The following FBXW7 variants were observed in gnomAD, a reference collection of about 807,000 sequenced individuals.
FBXW7 encodes F-box and WD repeat domain containing 7.
Under a neutral mutation model 86.3 loss-of-function variants are expected in FBXW7, and 11 were observed. That is an observed-to-expected ratio of 0.13 (90% CI 0.08 to 0.21). The LOEUF is 0.21. Ranked by LOEUF, FBXW7 falls within the 10% of genes least tolerant of loss-of-function variation. The pLI is 1.00. For missense variants in FBXW7, 488 were observed against 847.4 expected (o/e 0.58, Z 5.27); for synonymous variants, 313 against 297.9 (o/e 1.05, Z -0.52).
Position 152,363,369 on chromosome 4 carries a change from T to A in FBXW7, c.502-13245A>T, listed in dbSNP as rs190014953. Among the ~76,000 whole-genome samples, 398 of 152,282 alleles carry A rather than the reference T, an allele frequency of 2.6e-3. 5 individuals are homozygous for A. Among genetic ancestry groups the A allele is most frequent in the Non-Finnish European group, 9.8e-4 (67 of 68,026 alleles). ...AGATGCAAAATTGAGCAAGATGTAATATCTATCCTGGAAGCACTCCCAACT... is the reference window on the plus strand; with the variant it reads ...AGATGCAAAATTGAGCAAGATGTAAAATCTATCCTGGAAGCACTCCCAACT... On this transcript the variant is annotated intron_variant, in intron 4 of 13. Coordinates refer to ENST00000281708, the MANE Select transcript of FBXW7 (RefSeq NM_001349798.2).
intron 2 of FBXW7, among the ~76,000 whole-genome samples, chr4:152,443,760 G>T (rs1741118514): frequency 6.6e-6 from 1 of 152,124 alleles, no homozygotes; most frequent in African/African-American, 2.4e-5. Context: ...AAGAATATTA[G>T]TATAAAGGGG....
chr4:152,324,685 T>C (rs1191962415), intron 12 of FBXW7: 6 of 327,436 alleles, frequency 1.8e-5, no homozygotes, highest in Non-Finnish European at 3.4e-5. Flanking sequence ...GAACAATATG[T>C]TAATTTTCAA....
intron 6 of FBXW7, chr4:152,338,173 AT>A (rs1162026264): frequency 9.3e-6 from 3 of 324,034 alleles, no homozygotes; most frequent in Non-Finnish European, 1.7e-5. Context: ...ACAGAAAAAT[AT>A]TTTTTCATTA....
intron 4 of FBXW7, among the ~76,000 whole-genome samples, chr4:152,404,230 T>C (rs137924934): frequency 1.3e-4 from 20 of 152,268 alleles, no homozygotes; most frequent in Non-Finnish European, 2.5e-4. Context: ...CAATCCTCCA[T>C]TAGGAGCATT....
intron 13 of FBXW7, chr4:152,323,960 G>A: frequency 5.9e-6 from 3 of 505,604 alleles, no homozygotes; most frequent in Non-Finnish European, 1.1e-5. Flanking sequence ...AATTGAACAT[G>A]CAGGAAGTGA....
At chr4:152,440,360 C>T (rs1045393982) in intron 2 of FBXW7, among the ~76,000 whole-genome samples, 15 of 152,272 alleles carry the variant, frequency 9.9e-5, no homozygotes, top group Admixed American at 6.5e-4. Flanking sequence ...GAAAGCAGTA[C>T]ATACTGTCCC....
intron 2 of FBXW7, among the ~76,000 whole-genome samples, chr4:152,417,180 G>A (rs1324359328): frequency 6.6e-6 from 1 of 152,100 alleles, no homozygotes; most frequent in African/African-American, 2.4e-5. Context: ...CCTCTACTGA[G>A]CCTATTAATT....
At chr4:152,350,192 G>T (rs1210071557) in intron 4 of FBXW7, 68 bp from the exon 5 acceptor site, 1 of 816,956 alleles carries the variant, frequency 1.2e-6, no homozygotes, top group Non-Finnish European at 1.9e-6. Context: ...GAGTCAGCAT[G>T]GTTAATATTT....
chr4:152,499,046 C>T (rs1746653687), intron 2 of FBXW7, among the ~76,000 whole-genome samples: 1 of 151,940 alleles, frequency 6.6e-6, no homozygotes, highest in Admixed American at 6.6e-5. Context: ...TAGGGGATTC[C>T]AAGAATTATC....
intron 2 of FBXW7, among the ~76,000 whole-genome samples, chr4:152,419,296 T>C (rs1022746922): frequency 3.9e-5 from 6 of 152,126 alleles, no homozygotes; most frequent in Non-Finnish European, 8.8e-5. Flanking sequence ...TTCTTATAAG[T>C]TTATAAAATT....
At chr4:152,440,926 T>C (rs971284241) in intron 2 of FBXW7, among the ~76,000 whole-genome samples, 1 of 151,786 alleles carries the variant, frequency 6.6e-6, no homozygotes, top group African/African-American at 2.4e-5. Flanking sequence ...ATTGCTTAAG[T>C]TTATACGGTT....
intron 2 of FBXW7, among the ~76,000 whole-genome samples, chr4:152,516,960 G>A (rs1199431075): frequency 2.0e-5 from 3 of 152,130 alleles, no homozygotes; most frequent in African/African-American, 7.2e-5. Flanking sequence ...CAAGTAGCTG[G>A]GACTACAGGC....
At chr4:152,503,946 T>TA (rs1182247852) in intron 2 of FBXW7, among the ~76,000 whole-genome samples, 9 of 152,108 alleles carry the variant, frequency 5.9e-5, no homozygotes, top group East Asian at 1.9e-4. Context: ...ATGGAAATGT[T>TA]AAAAAAATAA....
At chr4:152,351,631 T>G (rs993552446) in intron 4 of FBXW7, among the ~76,000 whole-genome samples, 3 of 152,158 alleles carry the variant, frequency 2.0e-5, no homozygotes, top group Non-Finnish European at 4.4e-5. Flanking sequence ...TGCAAATGAA[T>G]CCATCAGGAA....
At chr4:152,447,699 A>G in intron 2 of FBXW7, among the ~76,000 whole-genome samples, 1 of 152,214 alleles carries the variant, frequency 6.6e-6, no homozygotes, top group East Asian at 1.9e-4. Context: ...AATACAACTC[A>G]TATTTCCTAA....
At chr4:152,475,096 G>A (rs1303380304) in intron 2 of FBXW7, among the ~76,000 whole-genome samples, 2 of 150,774 alleles carry the variant, frequency 1.3e-5, no homozygotes, top group African/African-American at 4.9e-5. Context: ...GCAAGACTCT[G>A]TCTCAATAAA....
intron 2 of FBXW7, among the ~76,000 whole-genome samples, chr4:152,435,332 A>G (rs1740289054): frequency 6.6e-6 from 1 of 152,092 alleles, no homozygotes; most frequent in East Asian, 1.9e-4. Flanking sequence ...TAAGCCATTC[A>G]TTTTGTATAA....
intron 2 of FBXW7, among the ~76,000 whole-genome samples, chr4:152,502,426 G>C (rs776025218): frequency 2.3e-4 from 35 of 152,238 alleles, no homozygotes; most frequent in Non-Finnish European, 5.0e-4. Context: ...CAGTTAGAAT[G>C]AGTATTTTTC....
At chr4:152,392,667 G>A (rs1736096861) in intron 4 of FBXW7, among the ~76,000 whole-genome samples, 1 of 152,160 alleles carries the variant, frequency 6.6e-6, no homozygotes, top group Non-Finnish European at 1.5e-5. Flanking sequence ...GATTGGTCAG[G>A]TGACAATGGA....
Sources: allele counts gnomAD v4.1 joint callset (sites outside exome capture counted in the v4.1 genomes callset), GRCh38; gene constraint gnomAD v4.1.1; transcripts MANE v1.5; gene names NCBI Gene and HGNC (gene_info 2026-07-23, HGNC 2026-07-21).